Variants in BCL9L observed in about 807,000 individuals in gnomAD.
BCL9L encodes B-cell CLL/lymphoma 9-like protein.
A neutral mutation model predicts 99.4 loss-of-function variants in BCL9L; 19 were observed. The observed-to-expected ratio is 0.19, with a 90% CI of 0.13 to 0.28. The LOEUF (loss-of-function observed/expected upper bound fraction) is 0.28. Ranked by LOEUF, BCL9L falls within the 10% of genes least tolerant of loss-of-function variation. BCL9L has a pLI of 1.00. For synonymous variants in BCL9L, 900 were observed against 854.8 expected (o/e 1.05, Z -0.92); for missense variants, 2,023 against 2,101.6 (o/e 0.96, Z 0.73).
rs906859490 is a variant in BCL9L at position 118,914,953 on chromosome 11, T to G, written c.-77+3873A>C. On this transcript the variant is annotated intron_variant, in intron 2 of 9. Coordinates refer to ENST00000683865, the MANE Select transcript of BCL9L (RefSeq NM_001378213.1). The surrounding 1 kb of genome is among the most constrained non-coding windows in gnomAD (Gnocchi z 4.4). ...GAGTTCAAGACCAGCCTGGCCATGA[T>G]GGTGAAACCCTGTCTCTACTACAAA... Among the ~76,000 whole-genome samples the G allele has an allele frequency of 2.6e-5, 4 of 152,138 alleles. No homozygotes were observed. Among genetic ancestry groups the G allele is most frequent in the Admixed American group, 1.3e-4 (2 of 15,266 alleles).
chr11:118,909,952 C>A lies in BCL9L; in HGVS notation c.-13G>T. 1 of 1,614,096 alleles carries A rather than the reference C, an allele frequency of 6.2e-7. No individual in the cohort carries two copies. Among genetic ancestry groups the A allele is most frequent in the Middle Eastern group, 1.7e-4 (1 of 6,058 alleles). Reference sequence around the variant, plus strand: ...CCAGGATCCTCATGGCTCCCACACACAGTGGGGCTACGGCCCCTGTGCGTG... The same window carrying A: ...CCAGGATCCTCATGGCTCCCACACAAAGTGGGGCTACGGCCCCTGTGCGTG... On this transcript the variant is annotated 5_prime_UTR_variant, in exon 3 of 10. Coordinates refer to ENST00000683865, the MANE Select transcript of BCL9L (RefSeq NM_001378213.1).
chr11:118,903,056 C>T lies in BCL9L; in HGVS notation c.768G>A (p.Leu256=), dbSNP rs151132729. The T allele has an allele frequency of 1.1e-3, 1,816 of 1,585,604 alleles. 17 individuals carry two copies. In the African/African-American group the frequency reaches 0.02, roughly 18 times the overall value. ...HLANTAAEAV[L]QGRADSILAY... ...CGAGGATGGAGTCGGCCCGGCCCTG[C>T]AGCACTGCCTCTGCAGCCCTGCACA... Residue 256 remains leucine (L), a synonymous_variant, in exon 7 of 10, where the codon CTG becomes CTA. Coordinates refer to ENST00000683865, the MANE Select transcript of BCL9L (RefSeq NM_001378213.1). This position sits in a 1 kb window ranked among gnomAD's most constrained non-coding sequence, Gnocchi z 5.6.
Position 118,902,117 on chromosome 11 carries a change from C to T in BCL9L, c.1626G>A (p.Gly542=). 1.2e-6 allele frequency: 2 copies of T among 1,614,122 alleles called. No individual in the cohort carries two copies. Among genetic ancestry groups the T allele is most frequent in the Non-Finnish European group, 1.7e-6 (2 of 1,180,014 alleles). ...RRKEEQIGLH[G]SRPLQDMMGM... is the part of the protein sequence containing the mutation. ...CCATCATGTCCTGCAGAGGACGGCT[C>T]CCATGCAGCCCAATCTGTTCCTCTT... Residue 542 remains glycine, a synonymous_variant, in exon 8 of 10, where the codon GGG becomes GGA. Coordinates refer to ENST00000683865, the MANE Select transcript of BCL9L (RefSeq NM_001378213.1). The surrounding 1 kb of genome is among the most constrained non-coding windows in gnomAD (Gnocchi z 7.8).
rs547958566 is a variant in BCL9L, at chr11:118,898,991, G to A, written c.3924C>T (p.Pro1308=). ...TGGGCCGGATCACCTCGCTCAGCTC[G>A]GGGTCGTTCAGCACTGATGCCACCC... The part of the protein sequence containing the change: ...LPGVASVLND[P]ELSEVIRPTP... The change falls in exon 10 of 10, where the codon CCC becomes CCT. Residue 1308 remains proline (P), a synonymous_variant. Transcript: ENST00000683865. 58 of 1,613,748 alleles carry A rather than the reference G, an allele frequency of 3.6e-5. No homozygotes were observed. Among genetic ancestry groups the A allele is most frequent in the East Asian group, 6.7e-5 (3 of 44,898 alleles).
intron 5 of BCL9L, among the ~76,000 whole-genome samples, chr11:118,905,246 T>C (rs529747133): frequency 3.3e-5 from 5 of 152,278 alleles, no homozygotes; most frequent in African/African-American, 1.2e-4. Context: ...CGGTGGCTTA[T>C]GCCTGTAATC....
At chr11:118,910,301 G>A (rs1053200715) in intron 2 of BCL9L, 2 of 261,292 alleles carry the variant, frequency 7.7e-6, no homozygotes, top group Non-Finnish European at 1.6e-5. Context: ...GGTGCCGTGT[G>A]GGGCGGCTGT....
rs868126414 is a variant in BCL9L at position 118,900,105 on chromosome 11, G to A, written c.3218C>T (p.Ser1073Phe). 2 of 1,614,006 alleles carry A rather than the reference G, an allele frequency of 1.2e-6. No individual in the cohort carries two copies. The highest frequency in any genetic ancestry group is 2.2e-5 in the South Asian group (2 of 91,088). The change falls in exon 9 of 10, where the codon TCC becomes TTC. Residue 1073 changes from serine to phenylalanine, a missense_variant. Ser to Phe is a radical substitution (Grantham distance 155). This residue lies in a region of BCL9L where 902 missense variants were observed against 888.2 expected (regional missense o/e 1.02). Transcript: ENST00000683865. This position sits in a 1 kb window ranked among gnomAD's most constrained non-coding sequence, Gnocchi z 5.3. ...CTGGGAAGGTGTGGGGTCTGGGGAG[G>A]AAGTGAATGGTAGGCTGGGGTTCAT... is the stretch of plus-strand genomic sequence containing the variant. ...GLMNPSLPFT[S>F]SPDPTPSQNP...
At chr11:118,913,228 G>A (rs1280291027) in intron 2 of BCL9L, among the ~76,000 whole-genome samples, 1 of 152,142 alleles carries the variant, frequency 6.6e-6, no homozygotes, top group Non-Finnish European at 1.5e-5. Flanking sequence ...TTCCCTGGGA[G>A]TTTCCAGCCC....
At chr11:118,909,536 C>T (rs1412236431) in intron 3 of BCL9L, among the ~76,000 whole-genome samples, 1 of 152,208 alleles carries the variant, frequency 6.6e-6, no homozygotes, top group African/African-American at 2.4e-5. Flanking sequence ...GGGAGGCAGG[C>T]ACCGCCCCCT....
rs1307506267 is a variant in BCL9L, at chr11:118,925,445, C to G, written c.-338G>C. 1 of 152,172 alleles carries G rather than the reference C, an allele frequency of 6.6e-6. No homozygotes were observed. The highest frequency in any genetic ancestry group is 1.5e-5 in the Non-Finnish European group (1 of 68,044). The allele number at this position is 152,172 out of a possible 1,614,324, so 9.4% of individuals were successfully genotyped here. On this transcript the variant is annotated 5_prime_UTR_variant, in exon 1 of 10. Transcript: ENST00000683865. The surrounding 1 kb of genome is among the most constrained non-coding windows in gnomAD (Gnocchi z 6.4). ...CCGGGGATCGCTGGGTGCCTGGGTT[C>G]CTGCCTCCCAACCGCGGAGCATGGT... is the stretch of plus-strand genomic sequence containing the variant.
chr11:118,916,087 G>T (rs1405796172), intron 2 of BCL9L, among the ~76,000 whole-genome samples: 1 of 152,220 alleles, frequency 6.6e-6, no homozygotes, highest in Non-Finnish European at 1.5e-5. Context: ...GGCCCCAGGG[G>T]CTGGGCACAG....
At position 118,901,149 on chromosome 11, in the gene BCL9L, T is replaced by C; in HGVS notation, c.2594A>G (p.Asn865Ser). 1 of 1,613,918 alleles carries C rather than the reference T, an allele frequency of 6.2e-7. No individual in the cohort carries two copies. Among genetic ancestry groups the C allele is most frequent in the Non-Finnish European group, 8.5e-7 (1 of 1,179,876 alleles). Residue 865 changes from asparagine (N) to serine (S), a missense_variant, in exon 8 of 10, where the codon AAT becomes AGT. By Grantham distance (46) the Asn-to-Ser change is conservative (BLOSUM62 1). Coordinates refer to ENST00000683865, the MANE Select transcript of BCL9L (RefSeq NM_001378213.1). The surrounding 1 kb of genome is among the most constrained non-coding windows in gnomAD (Gnocchi z 6.6). ...ATCAGGGCTGAACATGTCTTGGGTA[T>C]TGCCCATGTCCTGGGACATGGCTTG... ...PYQAMSQDMG[N>S]TQDMFSPDQS...
chr11:118,898,104 G>A lies in BCL9L; in HGVS notation c.*311C>T. Reference sequence around the variant, plus strand: ...CTCCAAAAGCATAGCTGAAGGGGGTGTGGCGGGTGCAGGGATGCACGGAAA... The same window carrying A: ...CTCCAAAAGCATAGCTGAAGGGGGTATGGCGGGTGCAGGGATGCACGGAAA... On this transcript the variant is annotated 3_prime_UTR_variant, in exon 10 of 10. Coordinates refer to ENST00000683865, the MANE Select transcript of BCL9L (RefSeq NM_001378213.1). The A allele has an allele frequency of 2.0e-6, 1 of 511,786 alleles. No homozygotes were observed. The highest frequency in any genetic ancestry group is 3.6e-6 in the Non-Finnish European group (1 of 280,880). 31.7% of individuals were successfully genotyped at this position (511,786 alleles called of 1,614,324 possible). A position where few individuals can be genotyped will look rare whatever the true frequency, so the allele number is the denominator to read the frequency against.
chr11:118,912,303 A>G (rs982274807), intron 2 of BCL9L, among the ~76,000 whole-genome samples: 1 of 152,192 alleles, frequency 6.6e-6, no homozygotes, highest in African/African-American at 2.4e-5. Flanking sequence ...AAGCAAAGGG[A>G]TGGGGCTCTG....
chr11:118,902,748 T>TCAG lies in BCL9L; in HGVS notation c.994_995insCTG (p.Gln332delinsProGlu). 1 of 1,594,236 alleles carries TCAG rather than the reference T, an allele frequency of 6.3e-7. No individual in the cohort carries two copies. The highest frequency in any genetic ancestry group is 1.1e-5 in the South Asian group (1 of 90,510). On this transcript the variant is annotated protein_altering_variant, in exon 8 of 10. Transcript: ENST00000683865. The surrounding 1 kb of genome is among the most constrained non-coding windows in gnomAD (Gnocchi z 7.8). ...TCCCACCGAGTTGGGGGCCAGGTCC[T>TCAG]GACTGCTGTCCTCAGGAGGCCCCTC...
At chr11:118,909,263 AG>A (rs1168922223) in intron 3 of BCL9L, among the ~76,000 whole-genome samples, 1 of 151,794 alleles carries the variant, frequency 6.6e-6, no homozygotes, top group Non-Finnish European at 1.5e-5. Flanking sequence ...GGAAAGGGGG[AG>A]GGGAGCGGTG....
chr11:118,901,271 G>A lies in BCL9L; in HGVS notation c.2472C>T (p.Asn824=), dbSNP rs1940219363. 2 of 1,613,948 alleles carry A rather than the reference G, an allele frequency of 1.2e-6. No homozygotes were observed. Among genetic ancestry groups the A allele is most frequent in the Non-Finnish European group, 1.7e-6 (2 of 1,179,998 alleles). The change falls in exon 8 of 10, where the codon AAC becomes AAT. Residue 824 remains asparagine, a synonymous_variant. Transcript: ENST00000683865. This position sits in a 1 kb window ranked among gnomAD's most constrained non-coding sequence, Gnocchi z 6.6. ...GCGGGCCGCCCATCACGCCACTGCT[G>A]TTCTGGGCCCGAACCCGGGCCATCT... ...PEEMARVRAQ[N]SSGVMGGPQK... is the part of the protein sequence containing the mutation.
chr11:118,903,629 G>A lies in BCL9L; in HGVS notation c.533-177C>T, dbSNP rs888658132. On this transcript the variant is annotated intron_variant, in intron 5 of 9. Transcript: ENST00000683865. The surrounding 1 kb of genome is among the most constrained non-coding windows in gnomAD (Gnocchi z 5.6). Reference sequence around the variant, plus strand: ...ACGATGGCAAGAGTGGTGACCATGTGGAGAGCAGGGACAGAGAAAATGTGT... The same window carrying A: ...ACGATGGCAAGAGTGGTGACCATGTAGAGAGCAGGGACAGAGAAAATGTGT... 1.3e-5 allele frequency among the ~76,000 whole-genome samples: 2 copies of A among 152,216 alleles called. No homozygotes were observed. Among genetic ancestry groups the A allele is most frequent in the Non-Finnish European group, 1.5e-5 (1 of 68,040 alleles).
At chr11:118,919,589 A>G (rs945391563) in intron 1 of BCL9L, among the ~76,000 whole-genome samples, 1 of 151,730 alleles carries the variant, frequency 6.6e-6, no homozygotes, top group Non-Finnish European at 1.5e-5. Flanking sequence ...ATTCTGGGAG[A>G]GACGCCAACT....
Sources: allele counts gnomAD v4.1 joint callset (sites outside exome capture counted in the v4.1 genomes callset), GRCh38; gene constraint gnomAD v4.1.1; regional missense constraint gnomAD v4.1.1; non-coding constraint Gnocchi (gnomAD v3.1); transcripts MANE v1.5; gene names NCBI Gene and HGNC (gene_info 2026-07-23, HGNC 2026-07-21).